CSMD1: variants seen among roughly 807,000 people sequenced by gnomAD.
CSMD1 encodes the protein CUB and sushi domain-containing protein 1.
In CSMD1, 213 loss-of-function variants were observed where a neutral mutation model predicts 417.5. The ratio of observed to expected loss-of-function variants is 0.51; its 90% CI spans 0.46 to 0.57. CSMD1 has a LOEUF of 0.57. CSMD1 is among the 20% of genes least tolerant of loss of function. The pLI is 0.00. For missense variants in CSMD1, 6,923 were observed against 4,529.7 expected, an observed-to-expected ratio of 1.53 and a Z score of -15.17; for synonymous variants, 2,862 against 1,736.8, an observed-to-expected ratio of 1.65 and a Z score of -16.11.
At chr8:3,325,614 A>C (rs560548076) in intron 23 of CSMD1, among the ~76,000 whole-genome samples, 162 of 152,330 alleles carry the variant, frequency 1.1e-3, no homozygotes, top group Middle Eastern at 3.4e-3. Flanking sequence ...GCCTGAGGTC[A>C]GGAGTTTGAG....
chr8:4,675,518 A>G (rs1288730652), intron 1 of CSMD1, among the ~76,000 whole-genome samples: 1 of 152,190 alleles, frequency 6.6e-6, no homozygotes, highest in East Asian at 1.9e-4. Context: ...CAAGACTGTA[A>G]TGGAGGGACA....
At chr8:3,741,635 C>A (rs1441769523) in intron 6 of CSMD1, among the ~76,000 whole-genome samples, 2 of 152,302 alleles carry the variant, frequency 1.3e-5, no homozygotes, top group Middle Eastern at 6.8e-3. Context: ...CAGATAACTT[C>A]TAGCAAAACT....
At chr8:4,888,027 T>G (rs1231095618) in intron 1 of CSMD1, among the ~76,000 whole-genome samples, 2 of 152,074 alleles carry the variant, frequency 1.3e-5, no homozygotes, top group Non-Finnish European at 2.9e-5. Flanking sequence ...CTTCCTTTTT[T>G]GACCCATATA....
At chr8:4,833,062 A>G (rs1465451170) in intron 1 of CSMD1, among the ~76,000 whole-genome samples, 2 of 152,192 alleles carry the variant, frequency 1.3e-5, no homozygotes, top group African/African-American at 4.8e-5. Context: ...CGGAAAGTAT[A>G]TACCACTTGC....
At chr8:4,602,947 A>C (rs1375415491) in intron 2 of CSMD1, among the ~76,000 whole-genome samples, 1 of 152,008 alleles carries the variant, frequency 6.6e-6, no homozygotes. Flanking sequence ...TAACTATAAA[A>C]ATAGATAAAA....
At chr8:3,371,352 A>C (rs993747252) in intron 18 of CSMD1, among the ~76,000 whole-genome samples, 3 of 152,188 alleles carry the variant, frequency 2.0e-5, no homozygotes, top group Non-Finnish European at 4.4e-5. Flanking sequence ...GGCAAAAATC[A>C]CAGCTCATTC....
intron 1 of CSMD1, among the ~76,000 whole-genome samples, chr8:4,985,666 C>G (rs556495996): frequency 6.6e-6 from 1 of 152,304 alleles, no homozygotes; most frequent in Non-Finnish European, 1.5e-5. Context: ...GATGACTATT[C>G]TCACCTGAAT....
In CSMD1 at chr8:4,587,591, G is replaced by A. The variant is rs114358459; in HGVS notation, c.302+49751C>T. ...AACCTTTCCTAGATGTGTAAAAGAA[G>A]AAATAAGCTTTACTTACAAATAATT... On this transcript the variant is annotated intron_variant, in intron 2 of 69. Transcript: ENST00000635120. Among the ~76,000 whole-genome samples, 1,163 of 152,110 alleles carry A rather than the reference G, an allele frequency of 7.6e-3. 19 individuals carry two copies. The highest frequency in any genetic ancestry group is 0.026 in the African/African-American group (1,059 of 41,494).
At position 4,103,671 on chromosome 8, in the gene CSMD1, T is replaced by G. The variant is rs576690957; in HGVS notation, c.416-71572A>C. Among the ~76,000 whole-genome samples the G allele has an allele frequency of 4.7e-4, 72 of 152,256 alleles. 1 individual carries two copies. The South Asian group carries it at 0.014, about 29-fold the overall frequency. On this transcript the variant is annotated intron_variant, in intron 3 of 69. Coordinates refer to ENST00000635120, the MANE Select transcript of CSMD1 (RefSeq NM_033225.6). Reference sequence around the variant, plus strand: ...TTAGGTATCTGATATGCCACATTTTTACATGATTATAAACTGGAGTGAATG... The same window carrying G: ...TTAGGTATCTGATATGCCACATTTTGACATGATTATAAACTGGAGTGAATG...
chr8:4,346,925 A>G (rs1196617442), intron 3 of CSMD1, among the ~76,000 whole-genome samples: 1 of 152,118 alleles, frequency 6.6e-6, no homozygotes, highest in East Asian at 1.9e-4. Flanking sequence ...TTCCTCAAAT[A>G]CTAATTTGAA....
intron 26 of CSMD1, among the ~76,000 whole-genome samples, chr8:3,269,442 T>C (rs1801675403): frequency 6.6e-6 from 1 of 152,354 alleles, no homozygotes; most frequent in Admixed American, 6.5e-5. Flanking sequence ...TGTTCTGCCA[T>C]GGGCAGCACC....
chr8:4,009,192 G>A (rs916287184), intron 4 of CSMD1, among the ~76,000 whole-genome samples: 9 of 152,170 alleles, frequency 5.9e-5, no homozygotes, highest in Non-Finnish European at 5.9e-5. Context: ...CTGTAGGTTG[G>A]GAAAATAATT....
At chr8:4,943,281 G>C (rs1000377333) in intron 1 of CSMD1, among the ~76,000 whole-genome samples, 1 of 152,066 alleles carries the variant, frequency 6.6e-6, no homozygotes, top group Non-Finnish European at 1.5e-5. Context: ...AGATCACGAG[G>C]TCAGGAGATC....
intron 52 of CSMD1, among the ~76,000 whole-genome samples, chr8:3,016,479 G>C (rs558795964): frequency 6.6e-6 from 1 of 152,130 alleles, no homozygotes; most frequent in South Asian, 2.1e-4. Context: ...AAAGGAATAT[G>C]CTTCATTACC....
At chr8:4,131,794 G>A (rs193100249) in intron 3 of CSMD1, among the ~76,000 whole-genome samples, 245 of 110,992 alleles carry the variant, frequency 2.2e-3, no homozygotes, top group Non-Finnish European at 2.8e-3. Context: ...ACGGAGTCTC[G>A]CTCTGTCACC....
At chr8:3,354,705 A>AT (rs1431045189) in intron 21 of CSMD1, among the ~76,000 whole-genome samples, 1 of 151,838 alleles carries the variant, frequency 6.6e-6, no homozygotes, top group Non-Finnish European at 1.5e-5. Context: ...AGAAACTAAC[A>AT]TTTTAGCTTA....
intron 3 of CSMD1, among the ~76,000 whole-genome samples, chr8:4,314,835 G>A (rs567640184): frequency 1.3e-5 from 2 of 152,314 alleles, no homozygotes; most frequent in South Asian, 4.1e-4. Flanking sequence ...GATTTTGTAA[G>A]AGGAGGGAGC....
chr8:3,527,911 T>C (rs1014080177), intron 10 of CSMD1, among the ~76,000 whole-genome samples: 5 of 152,174 alleles, frequency 3.3e-5, no homozygotes, highest in African/African-American at 9.7e-5. Flanking sequence ...GCTGGCTAAG[T>C]CTTGGTTGTA....
At chr8:4,870,643 G>C (rs1802683713) in intron 1 of CSMD1, among the ~76,000 whole-genome samples, 1 of 152,120 alleles carries the variant, frequency 6.6e-6, no homozygotes, top group South Asian at 2.1e-4. Flanking sequence ...AGCGCACCAC[G>C]AGTGAGGGAA....
Sources: gnomAD v4.1 joint callset for allele counts (sites outside exome capture counted in the v4.1 genomes callset) on GRCh38, gnomAD v4.1.1 for gene constraint, MANE v1.5 for transcripts, NCBI Gene and HGNC (gene_info 2026-07-23, HGNC 2026-07-21) for gene names.